KIR3DL3: variants seen among roughly 807,000 people sequenced by gnomAD.
KIR3DL3 encodes killer cell immunoglobulin like receptor, three Ig domains and long cytoplasmic tail 3.
KIR3DL3 carries 27 observed loss-of-function variants against 34.9 expected under a neutral mutation model. That is an observed-to-expected ratio of 0.77 (90% confidence interval 0.57 to 1.07). KIR3DL3 has a LOEUF of 1.07. KIR3DL3 is among the 50% of genes least tolerant of loss of function. The pLI, the probability that KIR3DL3 is intolerant of heterozygous loss-of-function variation, is 0.00. For missense variants in KIR3DL3, 681 were observed against 528.5 expected (o/e 1.29, Z -2.83); for synonymous variants, 217 against 200.2 (o/e 1.08, Z -0.71).
In KIR3DL3 at chr19:54,727,743, AC is replaced by A. The variant is rs753231929; in HGVS notation, c.492del (p.Leu165CysfsTer21). The A allele has an allele frequency of 4.7e-5, 76 of 1,612,058 alleles. No homozygotes were observed. The South Asian group carries it at 7.3e-4, about 15-fold the overall frequency. On this transcript the variant is annotated frameshift_variant, in exon 4 of 8. Coordinates refer to ENST00000291860, the MANE Select transcript of KIR3DL3 (RefSeq NM_153443.5). LOFTEE classifies it high-confidence loss of function. Reference protein sequence around the residue: ...FLLHREGITEDPLRLVGQLHD... With the variant: ...FLLHREGITEXPLRLVGQLHD... ...CTGCACAGAGAGGGGATCACTGAGG[AC>A]CCCTTGCGCCTCGTTGGACAGCTCC...
At chr19:54,729,000 AAGAC>A (rs142250332) in intron 4 of KIR3DL3, among the ~76,000 whole-genome samples, 51,614 of 136,600 alleles carry the variant, frequency 0.38, 10,626 homozygotes, top group Non-Finnish European at 0.45. Context: ...GAGAGATAGA[AAGAC>A]AGATAAACAC....
At chr19:54,727,477 G>C in intron 3 of KIR3DL3, 134 bp from the exon 4 acceptor site, 1 of 842,314 alleles carries the variant, frequency 1.2e-6, no homozygotes, top group Non-Finnish European at 1.8e-6. Context: ...GGGGTTATGG[G>C]CACAAAAGAA....
chr19:54,735,554 G>C lies in KIR3DL3; in HGVS notation c.1054+197G>C, dbSNP rs11882698. 1.7e-5 allele frequency among the ~76,000 whole-genome samples: 2 copies of C among 115,076 alleles called. 1 individual carries two copies. The highest frequency in any genetic ancestry group is 3.7e-5 in the Non-Finnish European group (2 of 54,108). The allele number at this position is 115,076 out of a possible 152,430, so 75.5% of individuals were successfully genotyped here. On this transcript the variant is annotated intron_variant, in intron 6 of 7. Transcript: ENST00000291860. ...ACAGACCATTGCCTGATTCTGAACC[G>C]TATCCTCACATCCCCTGCAGCCACT... is the stretch of plus-strand genomic sequence containing the variant.
intron 3 of KIR3DL3, among the ~76,000 whole-genome samples, chr19:54,727,347 A>C (rs2068295561): frequency 7.6e-6 from 1 of 131,498 alleles, no homozygotes; most frequent in Non-Finnish European, 1.6e-5. Context: ...GAAAGAGATT[A>C]GTGGGAAACA....
chr19:54,735,830 A>G lies in KIR3DL3; in HGVS notation c.1065A>G (p.Val355=), dbSNP rs769630259. ...RWCANKKNAV[V]MDQEPAGNRT... is the part of the protein sequence containing the mutation. ...TTCCGTCTTCTACAGATGCTGTTGT[A>G]ATGGACCAAGAGCCTGCAGGGAACA... is the stretch of plus-strand genomic sequence containing the variant. Residue 355 remains valine, a synonymous_variant, in exon 7 of 8, where the codon GTA becomes GTG. Coordinates refer to ENST00000291860, the MANE Select transcript of KIR3DL3 (RefSeq NM_153443.5). 1.9e-6 allele frequency: 3 copies of G among 1,607,528 alleles called. No individual in the cohort carries two copies. The African/African-American group carries it at 4.1e-5, about 22-fold the overall frequency.
intron 4 of KIR3DL3, 43 bp downstream of exon 4, chr19:54,727,953 G>A: frequency 1.3e-6 from 2 of 1,559,390 alleles, no homozygotes; most frequent in Middle Eastern, 1.7e-4. Context: ...CTGGGAGATG[G>A]AGTGAATGAT....
intron 4 of KIR3DL3, among the ~76,000 whole-genome samples, chr19:54,728,954 G>C (rs1217884327): frequency 6.8e-6 from 1 of 146,364 alleles, no homozygotes; most frequent in South Asian, 2.2e-4. Context: ...AGATAGACAA[G>C]TAGAAAGACA....
At chr19:54,735,172 C>T in intron 5 of KIR3DL3, 81 bp from the exon 6 acceptor site, 2 of 1,111,008 alleles carry the variant, frequency 1.8e-6, no homozygotes, top group South Asian at 2.5e-5. Context: ...ATGTGGTTAC[C>T]TGTCAATCAA....
At chr19:54,725,677 A>C (rs1364740953) in intron 2 of KIR3DL3, among the ~76,000 whole-genome samples, 1 of 152,134 alleles carries the variant, frequency 6.6e-6, no homozygotes, top group Non-Finnish European at 1.5e-5. Context: ...CTGTCATTCT[A>C]CCTAAGAGGT....
chr19:54,730,762 T>A (rs1472501920), intron 5 of KIR3DL3, among the ~76,000 whole-genome samples: 3 of 152,154 alleles, frequency 2.0e-5, no homozygotes, highest in Admixed American at 6.5e-5. Flanking sequence ...AATGACAGGA[T>A]GTTACTCTTT....
chr19:54,727,863 C>T lies in KIR3DL3; in HGVS notation c.608C>T (p.Pro203Leu). 1.9e-6 allele frequency: 3 copies of T among 1,613,774 alleles called. No individual in the cohort carries two copies. The highest frequency in any genetic ancestry group is 3.3e-5 in the Admixed American group (2 of 60,014). Residue 203 changes from proline to leucine, a missense_variant, in exon 4 of 8, where the codon CCC (proline) becomes CTC (leucine). Pro to Leu is a moderately conservative substitution (Grantham distance 98). Coordinates refer to ENST00000291860, the MANE Select transcript of KIR3DL3 (RefSeq NM_153443.5). Reference sequence around the variant, plus strand: ...TGCTTTGGTTCTGTCACTCACTTACCCTATGAGTTGTCGGCTCCCAGTGAC... The same window carrying T: ...TGCTTTGGTTCTGTCACTCACTTACTCTATGAGTTGTCGGCTCCCAGTGAC... ...YRCFGSVTHL[P>L]YELSAPSDPL...
rs2068575145 is a variant in KIR3DL3 at position 54,729,538 on chromosome 19, T to C, written c.701T>C (p.Val234Ala). 1.2e-6 allele frequency: 2 copies of C among 1,606,256 alleles called. No individual in the cohort carries two copies. Among genetic ancestry groups the C allele is most frequent in the Admixed American group, 1.7e-5 (1 of 58,964 alleles). Residue 234 changes from valine (V) to alanine (A), a missense_variant, in exon 5 of 8, where the codon GTT becomes GCT. By Grantham distance (64) the Val-to-Ala change is moderately conservative (BLOSUM62 0). Coordinates refer to ENST00000291860, the MANE Select transcript of KIR3DL3 (RefSeq NM_153443.5). ...PSLSAQPGPT[V>A]QAGENVTLSC... ...CTCTCAGCCCAGCCGGGCCCCACGG[T>C]TCAGGCAGGAGAGAATGTGACCTTG...
At chr19:54,725,503 CA>C (rs2068069492) in intron 2 of KIR3DL3, among the ~76,000 whole-genome samples, 1 of 152,110 alleles carries the variant, frequency 6.6e-6, no homozygotes, top group African/African-American at 2.4e-5. Context: ...TGTGGGGACC[CA>C]GGGGGAGACT....
rs602444 is a variant in KIR3DL3 at position 54,735,264 on chromosome 19, A to T, written c.961A>T (p.Asn321Tyr). ...LPVSVTGNSR[N>Y]LHVLIGTSVV... ...TTGTCTTCCTCCAGGTAACTCCAGA[A>T]ACCTGCACGTTCTGATTGGGACCTC... The change falls in exon 6 of 8, where the codon AAC becomes TAC. Residue 321 changes from asparagine to tyrosine, a missense_variant. Transcript: ENST00000291860. 310,120 of 1,342,454 alleles carry T rather than the reference A, an allele frequency of 0.23. 44,124 individuals are homozygous for T. The highest frequency in any genetic ancestry group is 0.38 in the South Asian group (29,754 of 78,506). The allele number at this position is 1,342,454 out of a possible 1,614,324, so 83.2% of individuals were successfully genotyped here. A position where few individuals can be genotyped will look rare whatever the true frequency, so the allele number is the denominator to read the frequency against.
At chr19:54,726,438 G>A in intron 3 of KIR3DL3, 101 bp downstream of exon 3, 1 of 1,425,358 alleles carries the variant, frequency 7.0e-7, no homozygotes, top group Non-Finnish European at 9.4e-7. Flanking sequence ...GGCCCCGACT[G>A]TATTTGGGGT....
intron 5 of KIR3DL3, among the ~76,000 whole-genome samples, chr19:54,730,494 A>G (rs2068681817): frequency 6.6e-6 from 1 of 151,264 alleles, no homozygotes; most frequent in East Asian, 1.9e-4. Context: ...GTTGCACTTA[A>G]TTGCAGGAGG....
At chr19:54,735,201 T>C in intron 5 of KIR3DL3, 52 bp from the exon 6 acceptor site, 1 of 1,285,402 alleles carries the variant, frequency 7.8e-7, no homozygotes, top group Non-Finnish European at 1.1e-6. Flanking sequence ...AGACAATTCA[T>C]ATAGAGGAAC....
At chr19:54,726,458 T>C in intron 3 of KIR3DL3, 121 bp downstream of exon 3, 1 of 1,291,726 alleles carries the variant, frequency 7.7e-7, no homozygotes, top group Non-Finnish European at 1.1e-6. Flanking sequence ...TAAAGGGGGA[T>C]TCAGTACAGA....
At chr19:54,725,346 G>A in intron 2 of KIR3DL3, 64 bp downstream of exon 2, 1 of 1,239,216 alleles carries the variant, frequency 8.1e-7, no homozygotes, top group South Asian at 1.8e-5. Flanking sequence ...CCTGAAACGG[G>A]AGGCAGGCGA....
Sources: gnomAD v4.1 joint callset for allele counts (sites outside exome capture counted in the v4.1 genomes callset) on GRCh38, gnomAD v4.1.1 for gene constraint, MANE v1.5 for transcripts, NCBI Gene and HGNC (gene_info 2026-07-23, HGNC 2026-07-21) for gene names.